The following FBLN2 variants were observed in gnomAD, a reference collection of about 807,000 sequenced individuals.
The protein encoded by FBLN2 is fibulin 2.
A neutral mutation model predicts 123.7 loss-of-function variants in FBLN2; 81 were observed. The observed-to-expected ratio is 0.65, with a 90% CI of 0.55 to 0.79. FBLN2 has a LOEUF of 0.79. FBLN2 is among the 30% of genes least tolerant of loss of function. FBLN2 has a pLI of 0.00. For missense variants in FBLN2, 1,603 were observed against 1,681.3 expected (o/e 0.95, Z 0.81); for synonymous variants, 699 against 701.4 (o/e 1.00, Z 0.05).
intron 2 of FBLN2, among the ~76,000 whole-genome samples, chr3:13,596,536 C>T (rs530947748): frequency 3.3e-5 from 5 of 152,336 alleles, no homozygotes; most frequent in Middle Eastern, 3.4e-3. Flanking sequence ...ATTTTTTACA[C>T]TGCAATGCAT....
At chr3:13,556,476 C>T (rs1180203254) in intron 1 of FBLN2, among the ~76,000 whole-genome samples, 1 of 152,216 alleles carries the variant, frequency 6.6e-6, no homozygotes, top group Middle Eastern at 3.2e-3. Flanking sequence ...TGGGGGGCCC[C>T]ACCCCCTGAT....
chr3:13,626,326 G>C, intron 9 of FBLN2, 119 bp from the exon 10 acceptor site: 1 of 1,049,078 alleles, frequency 9.5e-7, no homozygotes. Context: ...TCCGAATGGT[G>C]AGCTCCCTGA....
rs572259112 is a variant in FBLN2 at position 13,609,187 on chromosome 3, C to T, written c.1419-326C>T. Among the ~76,000 whole-genome samples the T allele has an allele frequency of 1.5e-3, 230 of 152,384 alleles. 1 individual carries two copies. Among genetic ancestry groups the T allele is most frequent in the Admixed American group, 2.0e-3 (31 of 15,314 alleles). On this transcript the variant is annotated intron_variant, in intron 3 of 17. Coordinates refer to ENST00000404922, the MANE Select transcript of FBLN2 (RefSeq NM_001004019.2). ...CAGGGACCCGGAGGCTGTGCTCCTCCAGGCTGACCTGCCAGCCTTTTCTGG... is the reference window on the plus strand; with the variant it reads ...CAGGGACCCGGAGGCTGTGCTCCTCTAGGCTGACCTGCCAGCCTTTTCTGG...
chr3:13,631,903 G>A lies in FBLN2; in HGVS notation c.3214+446G>A, dbSNP rs566396765. On this transcript the variant is annotated intron_variant, in intron 16 of 17. Transcript: ENST00000404922. ...CCTGGGGAGTAGAGAAGGGTGTCATGGGGAGGCTTTTCCCAACCCTGGTGC... is the reference window on the plus strand; with the variant it reads ...CCTGGGGAGTAGAGAAGGGTGTCATAGGGAGGCTTTTCCCAACCCTGGTGC... 2.6e-5 allele frequency among the ~76,000 whole-genome samples: 4 copies of A among 152,284 alleles called. No homozygotes were observed. The South Asian group carries it at 8.3e-4, about 32-fold the overall frequency.
chr3:13,619,707 G>A lies in FBLN2; in HGVS notation c.2054-23G>A, dbSNP rs144878936. The A allele has an allele frequency of 1.0e-4, 161 of 1,607,942 alleles. No individual in the cohort carries two copies. The African/African-American group carries it at 1.9e-3, about 19-fold the overall frequency. ...CCAAGGCCAGGGCCTGGTGGTCTCT[G>A]ATTTCTGTGTGGTTTCCTCCAGACA... On this transcript the variant is annotated intron_variant, in intron 7 of 17. Coordinates refer to ENST00000404922, the MANE Select transcript of FBLN2 (RefSeq NM_001004019.2).
chr3:13,559,751 A>G (rs1257713341), intron 1 of FBLN2, among the ~76,000 whole-genome samples: 2 of 152,190 alleles, frequency 1.3e-5, no homozygotes, highest in Admixed American at 6.5e-5. Context: ...CTTTTTGCAC[A>G]TTCTCCAGGG....
At chr3:13,551,265 G>A (rs1018150493) in intron 1 of FBLN2, among the ~76,000 whole-genome samples, 3 of 152,204 alleles carry the variant, frequency 2.0e-5, no homozygotes, top group Non-Finnish European at 4.4e-5. Context: ...AGTCGTTGAA[G>A]CAATGAGTGG....
intron 2 of FBLN2, among the ~76,000 whole-genome samples, chr3:13,602,952 C>G (rs1705083306): frequency 6.6e-6 from 1 of 150,960 alleles, no homozygotes; most frequent in South Asian, 2.1e-4. Flanking sequence ...GCTCTGTCGC[C>G]CAGGCTGGAG....
Position 13,621,763 on chromosome 3 carries a change from G to T in FBLN2, c.2156-12G>T. 2 of 1,613,612 alleles carry T rather than the reference G, an allele frequency of 1.2e-6. No homozygotes were observed. The highest frequency in any genetic ancestry group is 1.3e-5 in the African/African-American group (1 of 75,036). On this transcript the variant is annotated splice_polypyrimidine_tract_variant and intron_variant, in intron 8 of 17. Coordinates refer to ENST00000404922, the MANE Select transcript of FBLN2 (RefSeq NM_001004019.2). ...ACAGTCCTTCTGTTTTTCCTCCTGC[G>T]GCTGCCACTAGACCAAGACGAGTGC...
intron 2 of FBLN2, among the ~76,000 whole-genome samples, chr3:13,600,555 C>T (rs1312398154): frequency 6.6e-6 from 1 of 151,648 alleles, no homozygotes; most frequent in Non-Finnish European, 1.5e-5. Flanking sequence ...ACGCTCAGGC[C>T]TGGAGAAGGG....
chr3:13,618,519 C>T (rs934253660), intron 6 of FBLN2, among the ~76,000 whole-genome samples: 4 of 152,230 alleles, frequency 2.6e-5, no homozygotes, highest in Admixed American at 1.3e-4. Flanking sequence ...GTCCCATATT[C>T]GAGCGCAGGG....
intron 1 of FBLN2, chr3:13,566,486 G>C (rs535361444): frequency 1.3e-5 from 2 of 152,240 alleles, no homozygotes; most frequent in Non-Finnish European, 2.9e-5. Flanking sequence ...ACACATACAC[G>C]CCCCATTGGG....
intron 2 of FBLN2, among the ~76,000 whole-genome samples, chr3:13,573,499 C>T (rs1704030602): frequency 6.6e-6 from 1 of 152,182 alleles, no homozygotes; most frequent in Non-Finnish European, 1.5e-5. Context: ...TCTCTATCTC[C>T]TCCTCAAAGC....
At position 13,571,148 on chromosome 3, in the gene FBLN2, C is replaced by A. The variant is rs771873652; in HGVS notation, c.793C>A (p.Pro265Thr). The A allele has an allele frequency of 1.3e-6, 2 of 1,556,144 alleles. No homozygotes were observed. Among genetic ancestry groups the A allele is most frequent in the South Asian group, 2.4e-5 (2 of 84,420 alleles). ...TAAAALGPPA[P>T]VQAKARRVTE... is the part of the protein sequence containing the mutation. The stretch of plus-strand genomic sequence containing the variant: ...GGCTGCTGCCCTGGGTCCCCCAGCC[C>A]CAGTGCAGGCCAAAGCTAGGAGAGT... The change falls in exon 2 of 18, where the codon CCA (proline) becomes ACA (threonine). Residue 265 changes from proline to threonine, a missense_variant. Physicochemically the swap from Pro to Thr is conservative, Grantham distance 38 (BLOSUM62 -1). Coordinates refer to ENST00000404922, the MANE Select transcript of FBLN2 (RefSeq NM_001004019.2).
At chr3:13,609,692 G>GGGGGGGGGGGGGGGGGGGC in intron 4 of FBLN2, 50 bp downstream of exon 4, 1 of 508,394 alleles carries the variant, frequency 2.0e-6, no homozygotes, top group Non-Finnish European at 3.8e-6. Flanking sequence ...GGCGGGGCGG[G>GGGGGGGGGGGGGGGGGGGC]AGGCTGGCCT....
At position 13,560,978 on chromosome 3, in the gene FBLN2, A is replaced by C. The variant is rs564376633; in HGVS notation, c.-41-9337A>C. 1.1e-4 allele frequency among the ~76,000 whole-genome samples: 16 copies of C among 151,908 alleles called. 1 individual carries two copies. Among genetic ancestry groups the C allele is most frequent in the African/African-American group, 2.7e-4 (11 of 41,388 alleles). ...AGAGTCTCTTTGAAGGGAAAAAAAC[A>C]CAAACATACAAAAGAGTACCTAAAA... On this transcript the variant is annotated intron_variant, in intron 1 of 17. Transcript: ENST00000404922.
intron 2 of FBLN2, among the ~76,000 whole-genome samples, chr3:13,571,906 C>T (rs1315037948): frequency 6.6e-6 from 1 of 152,084 alleles, no homozygotes; most frequent in East Asian, 1.9e-4. Flanking sequence ...TGCTGGGCCC[C>T]CTGGTAGGGC....
At position 13,638,154 on chromosome 3, in the gene FBLN2, G is replaced by A. The variant is rs1283499883; in HGVS notation, c.*235G>A. On this transcript the variant is annotated 3_prime_UTR_variant, in exon 18 of 18. Transcript: ENST00000404922. The stretch of plus-strand genomic sequence containing the variant: ...GCTTGCACGGTGGGCCACGGCCGTG[G>A]CGGGTGCCCTGTGGGTGAGGCTGGG... 1 of 643,286 alleles carries A rather than the reference G, an allele frequency of 1.6e-6. No individual in the cohort carries two copies. Among genetic ancestry groups the A allele is most frequent in the East Asian group, 2.9e-5 (1 of 34,812 alleles). The allele number at this position is 643,286 out of a possible 1,614,324, so 39.8% of individuals were successfully genotyped here.
intron 1 of FBLN2, chr3:13,568,741 A>G: frequency 1.7e-5 from 17 of 979,692 alleles, no homozygotes; most frequent in Non-Finnish European, 1.9e-5. Flanking sequence ...CGTCTCCTTG[A>G]TTCCCTTCAT....
Sources: gnomAD v4.1 joint callset for allele counts (sites outside exome capture counted in the v4.1 genomes callset) on GRCh38, gnomAD v4.1.1 for gene constraint, MANE v1.5 for transcripts, NCBI Gene and HGNC (gene_info 2026-07-23, HGNC 2026-07-21) for gene names.